DLG2: variants seen among roughly 807,000 people sequenced by gnomAD.
DLG2 encodes discs large MAGUK scaffold protein 2.
A neutral mutation model predicts 132.5 loss-of-function variants in DLG2; 45 were observed. The ratio of observed to expected loss-of-function variants is 0.34; its 90% CI spans 0.27 to 0.44. The LOEUF (loss-of-function observed/expected upper bound fraction) is 0.44. Among genes scored for constraint, DLG2 ranks in the 20% least tolerant of loss-of-function variants. The probability of loss-of-function intolerance (pLI) is 1.00; values close to 1 mark genes in which losing one functional copy is unlikely to be tolerated. For synonymous variants in DLG2, 424 were observed against 419.6 expected (o/e 1.01, Z -0.13); for missense variants, 1,045 against 1,196.9 (o/e 0.87, Z 1.87).
intron 9 of DLG2, among the ~76,000 whole-genome samples, chr11:84,125,016 A>C (rs1032816935): frequency 6.6e-6 from 1 of 151,686 alleles, no homozygotes; most frequent in African/African-American, 2.4e-5. Flanking sequence ...ATGCCCGGCT[A>C]ATTTTGTATT....
At chr11:84,266,251 A>G (rs1410426776) in intron 7 of DLG2, among the ~76,000 whole-genome samples, 1 of 152,196 alleles carries the variant, frequency 6.6e-6, no homozygotes, top group African/African-American at 2.4e-5. Flanking sequence ...TTCACAAGTG[A>G]GGAAGATATA....
At chr11:84,054,499 C>T (rs539136736) in intron 11 of DLG2, among the ~76,000 whole-genome samples, 2 of 152,076 alleles carry the variant, frequency 1.3e-5, no homozygotes, top group East Asian at 3.9e-4. Flanking sequence ...CTTACAATGA[C>T]CAAATCTATA....
intron 6 of DLG2, among the ~76,000 whole-genome samples, chr11:84,773,206 T>C (rs1006005384): frequency 1.1e-4 from 16 of 152,148 alleles, no homozygotes; most frequent in Admixed American, 2.6e-4. Context: ...CTTGGAAACA[T>C]ACAACCTCCC....
intron 6 of DLG2, among the ~76,000 whole-genome samples, chr11:84,815,697 C>T (rs755682273): frequency 6.6e-6 from 1 of 151,766 alleles, no homozygotes; most frequent in African/African-American, 2.4e-5. Context: ...GTCAATTTGC[C>T]GAAAAATGCA....
At chr11:84,923,244 G>T in intron 6 of DLG2, 1 of 1,534,786 alleles carries the variant, frequency 6.5e-7, no homozygotes, top group South Asian at 1.2e-5. Context: ...AAAATGCATT[G>T]ATCTCTGTTT....
At chr11:85,191,703 T>C (rs1595234091) in intron 4 of DLG2, among the ~76,000 whole-genome samples, 1 of 152,150 alleles carries the variant, frequency 6.6e-6, no homozygotes, top group South Asian at 2.1e-4. Flanking sequence ...AAGATATATA[T>C]AGATTGGTTT....
At chr11:84,819,716 G>C (rs547085628) in intron 6 of DLG2, among the ~76,000 whole-genome samples, 2 of 151,998 alleles carry the variant, frequency 1.3e-5, no homozygotes, top group South Asian at 4.2e-4. Context: ...CCTCACTGGG[G>C]ATGTTAGAAA....
At chr11:85,366,528 C>T (rs1313927684) in intron 3 of DLG2, among the ~76,000 whole-genome samples, 1 of 151,994 alleles carries the variant, frequency 6.6e-6, no homozygotes, top group African/African-American at 2.4e-5. Context: ...ATGGATATAT[C>T]CTATTAAATG....
At chr11:83,952,271 C>A (rs918621147) in intron 14 of DLG2, among the ~76,000 whole-genome samples, 2 of 152,050 alleles carry the variant, frequency 1.3e-5, no homozygotes, top group Admixed American at 6.5e-5. Flanking sequence ...GCTTGAGCCC[C>A]AGGAGGCTGA....
At chr11:84,286,656 G>A (rs1223279655) in intron 7 of DLG2, among the ~76,000 whole-genome samples, 2 of 152,132 alleles carry the variant, frequency 1.3e-5, no homozygotes, top group African/African-American at 4.8e-5. Flanking sequence ...AGATCTATAT[G>A]GCACACTCAA....
At chr11:84,047,158 A>C (rs2096258155) in intron 11 of DLG2, among the ~76,000 whole-genome samples, 1 of 151,610 alleles carries the variant, frequency 6.6e-6, no homozygotes, top group African/African-American at 2.4e-5. Context: ...TCTTCTAAGA[A>C]GATACTTGGG....
chr11:84,493,475 T>C (rs570977545), intron 7 of DLG2, among the ~76,000 whole-genome samples: 1 of 152,236 alleles, frequency 6.6e-6, no homozygotes, highest in East Asian at 1.9e-4. Context: ...AGCCCCTGCC[T>C]GAATCATAAT....
At position 85,256,486 on chromosome 11, in the gene DLG2, G is replaced by A. The variant is rs576394584; in HGVS notation, c.186+28734C>T. On this transcript the variant is annotated intron_variant, in intron 4 of 27. Transcript: ENST00000376104. ...GACCCAGGTAGCAAGAGGGCACTGA[G>A]CTGGTTAACACTTAAGCCACCTGCA... 1.2e-3 allele frequency among the ~76,000 whole-genome samples: 184 copies of A among 152,296 alleles called. 1 individual carries two copies. The highest frequency in any genetic ancestry group is 4.2e-3 in the African/African-American group (173 of 41,544).
intron 7 of DLG2, among the ~76,000 whole-genome samples, chr11:84,483,804 G>T (rs550170821): frequency 6.6e-6 from 1 of 152,268 alleles, no homozygotes; most frequent in African/African-American, 2.4e-5. Flanking sequence ...CCTGAATGCC[G>T]CCTAATTGAG....
intron 6 of DLG2, among the ~76,000 whole-genome samples, chr11:84,839,293 G>T (rs184030967): frequency 2.0e-5 from 3 of 152,214 alleles, no homozygotes; most frequent in African/African-American, 7.2e-5. Context: ...CAAAAGATGC[G>T]AAGGACCTCT....
intron 6 of DLG2, among the ~76,000 whole-genome samples, chr11:84,839,164 T>C (rs1418444401): frequency 6.6e-6 from 1 of 152,092 alleles, no homozygotes; most frequent in Non-Finnish European, 1.5e-5. Context: ...ACAAAATCAA[T>C]GTGCAAAAAT....
At chr11:84,616,798 T>C (rs2099605177) in intron 6 of DLG2, among the ~76,000 whole-genome samples, 1 of 152,102 alleles carries the variant, frequency 6.6e-6, no homozygotes, top group Non-Finnish European at 1.5e-5. Context: ...TAAAATGTAA[T>C]ATAAATTTAA....
chr11:84,526,029 C>T (rs1009361586), intron 7 of DLG2, among the ~76,000 whole-genome samples: 14 of 152,244 alleles, frequency 9.2e-5, no homozygotes, highest in Non-Finnish European at 1.9e-4. Context: ...AGTTTTTCTA[C>T]GTCTTGAGAG....
In DLG2 at chr11:83,883,471, T is replaced by C. The variant is rs759082453; in HGVS notation, c.1497-8983A>G. 3.9e-4 allele frequency among the ~76,000 whole-genome samples: 60 copies of C among 152,166 alleles called. 1 individual carries two copies. Among genetic ancestry groups the C allele is most frequent in the Non-Finnish European group, 6.0e-4 (41 of 68,038 alleles). On this transcript the variant is annotated intron_variant, in intron 15 of 27. Transcript: ENST00000376104. Reference sequence around the variant, plus strand: ...AATTAAAAGTGAACTAAGTGAAAAATCTAAAAATCCCACTCATCACTGTTA... The same window carrying C: ...AATTAAAAGTGAACTAAGTGAAAAACCTAAAAATCCCACTCATCACTGTTA...
Sources: allele counts gnomAD v4.1 joint callset (sites outside exome capture counted in the v4.1 genomes callset), GRCh38; gene constraint gnomAD v4.1.1; transcripts MANE v1.5; gene names NCBI Gene and HGNC (gene_info 2026-07-23, HGNC 2026-07-21).